SUSD2: variants seen among roughly 807,000 people sequenced by gnomAD.
The protein encoded by SUSD2 is sushi domain-containing protein 2.
Under a neutral mutation model 93.8 loss-of-function variants are expected in SUSD2, and 86 were observed. The ratio of observed to expected loss-of-function variants is 0.92; its 90% CI spans 0.77 to 1.10. The LOEUF (loss-of-function observed/expected upper bound fraction) is 1.10, where lower values mean the gene tolerates loss of function less well. SUSD2 is among the 50% of genes least tolerant of loss of function. SUSD2 has a pLI of 0.00. For synonymous variants in SUSD2, 483 were observed against 485.0 expected, an observed-to-expected ratio of 1.00 and a Z score of 0.05; for missense variants, 1,060 against 1,137.0, an observed-to-expected ratio of 0.93 and a Z score of 0.97.
At position 24,185,886 on chromosome 22, in the gene SUSD2, G is replaced by A. The variant is rs1402786875; in HGVS notation, c.1296G>A (p.Arg432=). 6.3e-7 allele frequency: 1 copy of A among 1,584,748 alleles called. No homozygotes were observed. Among genetic ancestry groups the A allele is most frequent in the East Asian group, 2.3e-5 (1 of 43,402 alleles). ...WAPDCPRYMQ[R]RPSNDCRNYR... The stretch of plus-strand genomic sequence containing the variant: ...CCGACTGCCCCCGCTACATGCAACG[G>A]CGGCCCTCCAATGACTGCCGCAACT... The change falls in exon 8 of 15, where the codon CGG becomes CGA. Residue 432 remains arginine (R), a synonymous_variant. Transcript: ENST00000358321.
chr22:24,181,834 G>T (rs2047327673), intron 1 of SUSD2, among the ~76,000 whole-genome samples: 1 of 152,222 alleles, frequency 6.6e-6, no homozygotes, highest in South Asian at 2.1e-4. Context: ...GGGGAGACCA[G>T]CAGAGGCCTC....
In SUSD2 at chr22:24,181,634, C is replaced by T. The variant is rs367761716; in HGVS notation, c.76+39C>T. The stretch of plus-strand genomic sequence containing the variant: ...CCCTTCTGTGTCCCCGTCTGTCTGT[C>T]CATCTGTCTGCAGCCAGGCCTGGGC... On this transcript the variant is annotated intron_variant, in intron 1 of 14. Transcript: ENST00000358321. The T allele has an allele frequency of 1.2e-4, 180 of 1,490,886 alleles. No homozygotes were observed. In the Admixed American group the frequency reaches 1.9e-3, roughly 16 times the overall value. The allele number at this position is 1,490,886 out of a possible 1,614,324, so 92.4% of individuals were successfully genotyped here. A position where few individuals can be genotyped will look rare whatever the true frequency, so the allele number is the denominator to read the frequency against.
intron 1 of SUSD2, among the ~76,000 whole-genome samples, chr22:24,182,063 A>C (rs1241193802): frequency 6.6e-6 from 1 of 150,478 alleles, no homozygotes; most frequent in Non-Finnish European, 1.5e-5. Context: ...TCCTCCCCCG[A>C]CCCCTGTGCG....
chr22:24,184,332 T>A, intron 4 of SUSD2, 29 bp downstream of exon 4: 1 of 1,607,526 alleles, frequency 6.2e-7, no homozygotes, highest in South Asian at 1.1e-5. Flanking sequence ...TGGGGTGGCA[T>A]CAGAGCTTTG....
rs777841743 is a variant in SUSD2 at position 24,184,281 on chromosome 22, A to C, written c.585A>C (p.Glu195Asp). 3.4e-5 allele frequency: 55 copies of C among 1,613,310 alleles called. No individual in the cohort carries two copies. The highest frequency in any genetic ancestry group is 4.4e-5 in the Non-Finnish European group (52 of 1,179,990). ...KSLPTQTITI[E>D]LWGYEETGMP... ...TGCCCACGCAGACCATCACCATCGA[A>C]CTGTGGGGCTACGAGGAGACAGGTG... Residue 195 changes from glutamate to aspartate, a missense_variant, in exon 4 of 15, where the codon GAA (glutamate) becomes GAC (aspartate). Around this residue, in one of 2 missense-constraint regions of SUSD2, gnomAD observed 973 missense variants for 1,005.3 expected, o/e 0.97. Transcript: ENST00000358321.
chr22:24,186,737 A>G, intron 10 of SUSD2: 1 of 429,236 alleles, frequency 2.3e-6, no homozygotes, highest in Admixed American at 3.9e-5. Flanking sequence ...AGTCCTCAAA[A>G]GCCACTGCAA....
At chr22:24,183,735 C>T in intron 3 of SUSD2, 89 bp downstream of exon 3, 1 of 1,423,514 alleles carries the variant, frequency 7.0e-7, no homozygotes, top group Non-Finnish European at 9.5e-7. Context: ...CTGTCCGTGC[C>T]CTGCCTCTCT....
chr22:24,188,239 G>A lies in SUSD2; in HGVS notation c.2356G>A (p.Val786Met), dbSNP rs1362389875. The change falls in exon 14 of 15, where the codon GTG (valine) becomes ATG (methionine). Residue 786 changes from valine (V) to methionine (M), a missense_variant. Coordinates refer to ENST00000358321, the MANE Select transcript of SUSD2 (RefSeq NM_019601.4). This position sits in a 1 kb window ranked among gnomAD's most constrained non-coding sequence, Gnocchi z 4.7. Reference sequence around the variant, plus strand: ...TCCCTCACCAGGACGCAGCTACGCGGTGCTGTTGGGCATCATCTTTGGGGG... The same window carrying A: ...TCCCTCACCAGGACGCAGCTACGCGATGCTGTTGGGCATCATCTTTGGGGG... ...PKCQPGRSYA[V>M]LLGIIFGGLA... 4 of 1,601,288 alleles carry A rather than the reference G, an allele frequency of 2.5e-6. No homozygotes were observed. The highest frequency in any genetic ancestry group is 3.4e-6 in the Non-Finnish European group (4 of 1,172,458).
rs1363918109 is a variant in SUSD2, at chr22:24,186,368, A to C, written c.1595A>C (p.Asn532Thr). The C allele has an allele frequency of 1.9e-6, 3 of 1,613,678 alleles. No individual in the cohort carries two copies. Among genetic ancestry groups the C allele is most frequent in the Non-Finnish European group, 8.5e-7 (1 of 1,180,036 alleles). The change falls in exon 10 of 15, where the codon AAC becomes ACC. Residue 532 changes from asparagine to threonine, a missense_variant. By Grantham distance (65) the Asn-to-Thr change is moderately conservative. Transcript: ENST00000358321. ...ACCGGAGGTCTGGAGGTGCTGCTGA[A>C]CCAGGAGGTGCTGAGCTTCACCGAG... Reference protein sequence around the residue: ...NRTGGLEVLLNQEVLSFTEQS... With the variant: ...NRTGGLEVLLTQEVLSFTEQS...
In SUSD2 at chr22:24,187,373, A is replaced by C. The variant is rs749996700; in HGVS notation, c.1814A>C (p.Asp605Ala). The part of the protein sequence containing the change: ...LLGTLNNDPT[D>A]DFTLHSGRVL... Reference sequence around the variant, plus strand: ...GGGACACTCAACAACGACCCCACCGACGACTTCACCCTGCACAGCGGGCGC... The same window carrying C: ...GGGACACTCAACAACGACCCCACCGCCGACTTCACCCTGCACAGCGGGCGC... The change falls in exon 11 of 15, where the codon GAC becomes GCC. Residue 605 changes from aspartate (D) to alanine (A), a missense_variant. Asp to Ala is a moderately radical substitution (Grantham distance 126). Coordinates refer to ENST00000358321, the MANE Select transcript of SUSD2 (RefSeq NM_019601.4). 4.3e-6 allele frequency: 7 copies of C among 1,613,454 alleles called. No individual in the cohort carries two copies. In the African/African-American group the frequency reaches 9.4e-5, roughly 22 times the overall value.
chr22:24,184,213 A>C lies in SUSD2; in HGVS notation c.517A>C (p.Asn173His), dbSNP rs745887535. The change falls in exon 4 of 15, where the codon AAC (asparagine) becomes CAC (histidine). Residue 173 changes from asparagine (N) to histidine (H), a missense_variant. Asn to His is a moderately conservative substitution (Grantham distance 68). Coordinates refer to ENST00000358321, the MANE Select transcript of SUSD2 (RefSeq NM_019601.4). ...GCGTTGGCAATACTACGGCACCGCCAACACCTCAGGCAACCTCAGCCTGAC... is the reference window on the plus strand; with the variant it reads ...GCGTTGGCAATACTACGGCACCGCCCACACCTCAGGCAACCTCAGCCTGAC... ...ETRWQYYGTA[N>H]TSGNLSLTWH... 2 of 1,613,692 alleles carry C rather than the reference A, an allele frequency of 1.2e-6. No individual in the cohort carries two copies. The highest frequency in any genetic ancestry group is 1.1e-5 in the South Asian group (1 of 91,078).
chr22:24,187,173 T>G, intron 10 of SUSD2, 29 bp from the exon 11 acceptor site: 1 of 1,600,998 alleles, frequency 6.2e-7, no homozygotes, highest in Non-Finnish European at 8.5e-7. Context: ...TCACAGCGGG[T>G]GACCCTAATG....
At chr22:24,186,677 G>A (rs1027092087) in intron 10 of SUSD2, 13 of 536,068 alleles carry the variant, frequency 2.4e-5, no homozygotes, top group East Asian at 6.5e-5. Flanking sequence ...CCCTGGTAAC[G>A]TTCACCGCTG....
At position 24,187,181 on chromosome 22, in the gene SUSD2, A is replaced by T. The variant is rs775361034; in HGVS notation, c.1643-21A>T. 5 of 1,607,256 alleles carry T rather than the reference A, an allele frequency of 3.1e-6. No homozygotes were observed. In the East Asian group the frequency reaches 1.1e-4, roughly 36 times the overall value. On this transcript the variant is annotated intron_variant, in intron 10 of 14. Transcript: ENST00000358321. Reference sequence around the variant, plus strand: ...AAGATGCTCACAGCGGGTGACCCTAATGCATCCCCCTTGAGCCCAGGAATG... The same window carrying T: ...AAGATGCTCACAGCGGGTGACCCTATTGCATCCCCCTTGAGCCCAGGAATG...
chr22:24,188,195 C>T lies in SUSD2; in HGVS notation c.2342-30C>T. 6.3e-7 allele frequency: 1 copy of T among 1,589,764 alleles called. No homozygotes were observed. The highest frequency in any genetic ancestry group is 8.6e-7 in the Non-Finnish European group (1 of 1,164,194). ...TGTCCCCACTCACCACCCCAGAGAG[C>T]CCCCTCACTGACACTCGCTCCCTCA... is the stretch of plus-strand genomic sequence containing the variant. On this transcript the variant is annotated intron_variant, in intron 13 of 14. Coordinates refer to ENST00000358321, the MANE Select transcript of SUSD2 (RefSeq NM_019601.4). The surrounding 1 kb of genome is among the most constrained non-coding windows in gnomAD (Gnocchi z 4.7).
At position 24,185,162 on chromosome 22, in the gene SUSD2, A is replaced by G; in HGVS notation, c.851A>G (p.Asp284Gly). 2 of 1,612,558 alleles carry G rather than the reference A, an allele frequency of 1.2e-6. No homozygotes were observed. The highest frequency in any genetic ancestry group is 1.7e-6 in the Non-Finnish European group (2 of 1,179,778). ...AWHLSDDFRE[D>G]PVAWARTQCQ... The stretch of plus-strand genomic sequence containing the variant: ...CACCTGAGCGATGACTTCCGAGAGG[A>G]CCCTGTGGCCTGGGCACGAACTCAG... Residue 284 changes from aspartate (D) to glycine (G), a missense_variant, in exon 6 of 15, where the codon GAC (aspartate) becomes GGC (glycine). This residue lies in a region of SUSD2 where 973 missense variants were observed against 1,005.3 expected (regional missense o/e 0.97). Coordinates refer to ENST00000358321, the MANE Select transcript of SUSD2 (RefSeq NM_019601.4).
At chr22:24,184,410 T>G in intron 4 of SUSD2, 107 bp downstream of exon 4, 2 of 1,229,306 alleles carry the variant, frequency 1.6e-6, no homozygotes, top group East Asian at 2.5e-5. Context: ...CAGGTGGGGT[T>G]GAGGAGGGAA....
intron 6 of SUSD2, 94 bp from the exon 7 acceptor site, chr22:24,185,392 G>A: frequency 1.3e-6 from 2 of 1,534,752 alleles, no homozygotes; most frequent in Admixed American, 1.9e-5. Flanking sequence ...CCTGGAGGGT[G>A]GGGCTGGGGT....
chr22:24,183,275 G>A lies in SUSD2; in HGVS notation c.287+8G>A, dbSNP rs372719019. 137 of 1,607,672 alleles carry A rather than the reference G, an allele frequency of 8.5e-5. No individual in the cohort carries two copies. Among genetic ancestry groups the A allele is most frequent in the Non-Finnish European group, 1.1e-4 (126 of 1,176,064 alleles). On this transcript the variant is annotated splice_region_variant and intron_variant, in intron 2 of 14. Coordinates refer to ENST00000358321, the MANE Select transcript of SUSD2 (RefSeq NM_019601.4). ...CGCCAGTGTGATCTGCAGGTTGGGA[G>A]GCCCAGGAGGCCGGGCACTGGGGCC... is the stretch of plus-strand genomic sequence containing the variant.
Sources: allele counts gnomAD v4.1 joint callset (sites outside exome capture counted in the v4.1 genomes callset), GRCh38; gene constraint gnomAD v4.1.1; regional missense constraint gnomAD v4.1.1; non-coding constraint Gnocchi (gnomAD v3.1); transcripts MANE v1.5; gene names NCBI Gene and HGNC (gene_info 2026-07-23, HGNC 2026-07-21).